Variants in CPE observed in about 807,000 individuals in gnomAD.
The protein encoded by CPE is carbocypeptidase E.
CPE carries 17 observed loss-of-function variants against 53.5 expected under a neutral mutation model. The observed-to-expected ratio is 0.32, with a 90% CI of 0.22 to 0.48. CPE has a LOEUF of 0.48. Ranked by LOEUF, CPE falls within the 20% of genes least tolerant of loss-of-function variation. The pLI, the probability that CPE is intolerant of heterozygous loss-of-function variation, is 0.99. For missense variants in CPE, 524 were observed against 614.7 expected, an observed-to-expected ratio of 0.85 and a Z score of 1.56; for synonymous variants, 226 against 228.8, an observed-to-expected ratio of 0.99 and a Z score of 0.11.
At position 165,472,519 on chromosome 4, in the gene CPE, T is replaced by C. The variant is rs536201618; in HGVS notation, c.672+4664T>C. Among the ~76,000 whole-genome samples, 4 of 152,358 alleles carry C rather than the reference T, an allele frequency of 2.6e-5. No homozygotes were observed. In the South Asian group the frequency reaches 8.3e-4, roughly 32 times the overall value. ...TTATATCAGAATTATAGGAGCTTTG[T>C]ATAATTTTGGAACACATACAAATAA... On this transcript the variant is annotated intron_variant, in intron 3 of 8. Coordinates refer to ENST00000402744, the MANE Select transcript of CPE (RefSeq NM_001873.4).
At chr4:165,429,675 T>C (rs35406069) in intron 1 of CPE, among the ~76,000 whole-genome samples, 44,496 of 151,238 alleles carry the variant, frequency 0.29, 6,625 homozygotes, top group Middle Eastern at 0.39. Flanking sequence ...GCACTCCAGC[T>C]TGGGTGACAG....
chr4:165,385,552 C>G (rs932468495), intron 1 of CPE, among the ~76,000 whole-genome samples: 3 of 148,632 alleles, frequency 2.0e-5, no homozygotes, highest in Non-Finnish European at 4.4e-5. Context: ...CAAGGTGTCT[C>G]CCTCCTCAGC....
At chr4:165,414,035 G>GA (rs1248150110) in intron 1 of CPE, among the ~76,000 whole-genome samples, 17 of 151,970 alleles carry the variant, frequency 1.1e-4, no homozygotes, top group African/African-American at 2.4e-4. Flanking sequence ...AGCACACTGG[G>GA]AAAAAAAGTC....
rs139281073 is a variant in CPE, at chr4:165,401,873, A to C, written c.307+22345A>C. ...AAGTGGTGTTGTAATAAAATTAGTT[A>C]TTTTAATATTAAGCCAGATGTGTTT... is the stretch of plus-strand genomic sequence containing the variant. On this transcript the variant is annotated intron_variant, in intron 1 of 8. Transcript: ENST00000402744. Among the ~76,000 whole-genome samples, 479 of 152,254 alleles carry C rather than the reference A, an allele frequency of 3.1e-3. 5 individuals carry two copies. Among genetic ancestry groups the C allele is most frequent in the Non-Finnish European group, 5.1e-3 (347 of 68,010 alleles).
Position 165,409,349 on chromosome 4 carries a change from G to T in CPE, c.307+29821G>T, listed in dbSNP as rs144036464. Among the ~76,000 whole-genome samples the T allele has an allele frequency of 2.0e-3, 298 of 152,250 alleles. 1 individual carries two copies. Among genetic ancestry groups the T allele is most frequent in the African/African-American group, 6.9e-3 (288 of 41,554 alleles). ...CTCCCCAATAGCTAGGATTACAGGT[G>T]TGTGCTACCATGCCTGGCTAATCTT... On this transcript the variant is annotated intron_variant, in intron 1 of 8. Coordinates refer to ENST00000402744, the MANE Select transcript of CPE (RefSeq NM_001873.4).
At chr4:165,380,849 T>C (rs1730496330) in intron 1 of CPE, among the ~76,000 whole-genome samples, 1 of 152,230 alleles carries the variant, frequency 6.6e-6, no homozygotes, top group Non-Finnish European at 1.5e-5. Flanking sequence ...CATTTAATAT[T>C]AACTACTCTT....
At chr4:165,414,804 T>C (rs765057824) in intron 1 of CPE, among the ~76,000 whole-genome samples, 2 of 152,046 alleles carry the variant, frequency 1.3e-5, no homozygotes, top group African/African-American at 2.4e-5. Flanking sequence ...AGAAACCAAA[T>C]TGAGCTTGAA....
chr4:165,444,151 C>T (rs755578556), intron 1 of CPE, among the ~76,000 whole-genome samples: 1 of 152,080 alleles, frequency 6.6e-6, no homozygotes, highest in Non-Finnish European at 1.5e-5. Context: ...CGATTTAGCC[C>T]GTAACACCTA....
chr4:165,479,999 A>G (rs1028058909), intron 3 of CPE, among the ~76,000 whole-genome samples: 1 of 152,018 alleles, frequency 6.6e-6, no homozygotes, highest in African/African-American at 2.4e-5. Context: ...CTCAAAAAAA[A>G]AAAAAAAAAG....
rs1732150567 is a variant in CPE at position 165,468,754 on chromosome 4, C to A, written c.672+899C>A. ...CTTGTGTTTCATGTCCAGCCTCTCCCAACTCTATTCTATCTTCTCAAATTC... is the reference window on the plus strand; with the variant it reads ...CTTGTGTTTCATGTCCAGCCTCTCCAAACTCTATTCTATCTTCTCAAATTC... On this transcript the variant is annotated intron_variant, in intron 3 of 8. Transcript: ENST00000402744. 2.0e-5 allele frequency among the ~76,000 whole-genome samples: 3 copies of A among 152,196 alleles called. 1 individual carries two copies. The South Asian group carries it at 6.2e-4, about 32-fold the overall frequency.
intron 1 of CPE, among the ~76,000 whole-genome samples, chr4:165,419,924 T>C (rs1256064256): frequency 6.6e-6 from 1 of 152,216 alleles, no homozygotes. Flanking sequence ...TGAACCAAAC[T>C]TCTTCACTGG....
chr4:165,477,388 A>G (rs570064425), intron 3 of CPE, among the ~76,000 whole-genome samples: 1 of 152,360 alleles, frequency 6.6e-6, no homozygotes, highest in African/African-American at 2.4e-5. Flanking sequence ...TTTTTGGAAC[A>G]TAAGCAAGAT....
intron 1 of CPE, among the ~76,000 whole-genome samples, chr4:165,453,619 A>G (rs1309874589): frequency 6.6e-6 from 1 of 152,050 alleles, no homozygotes; most frequent in East Asian, 1.9e-4. Flanking sequence ...TCCTAGGCTC[A>G]AGTGATCCTC....
intron 4 of CPE, among the ~76,000 whole-genome samples, chr4:165,484,178 T>C (rs532510195): frequency 2.6e-5 from 4 of 152,300 alleles, no homozygotes; most frequent in Non-Finnish European, 5.9e-5. Flanking sequence ...CCTGCAAAGC[T>C]TTCAACTCAT....
At chr4:165,496,555 G>A (rs1732708115) in intron 8 of CPE, among the ~76,000 whole-genome samples, 1 of 150,284 alleles carries the variant, frequency 6.7e-6, no homozygotes, top group Non-Finnish European at 1.5e-5. Context: ...GTGTAATCAC[G>A]ATCCAAAATA....
chr4:165,382,103 T>C (rs1032315691), intron 1 of CPE, among the ~76,000 whole-genome samples: 3 of 135,016 alleles, frequency 2.2e-5, no homozygotes, highest in African/African-American at 7.8e-5. Context: ...AAAAAGACAG[T>C]AAGGTCAGCA....
intron 1 of CPE, among the ~76,000 whole-genome samples, chr4:165,455,277 C>T (rs1286973742): frequency 2.6e-5 from 4 of 152,168 alleles, no homozygotes; most frequent in African/African-American, 7.2e-5. Context: ...ACTTCGTTTA[C>T]CTCTGTTTTG....
chr4:165,496,088 A>G (rs796100599), intron 8 of CPE, among the ~76,000 whole-genome samples: 7 of 152,308 alleles, frequency 4.6e-5, no homozygotes, highest in African/African-American at 1.7e-4. Context: ...TTTATGTGCA[A>G]GGCTCTCTGT....
chr4:165,467,016 A>C (rs1380821301), intron 2 of CPE, among the ~76,000 whole-genome samples: 6 of 152,164 alleles, frequency 3.9e-5, no homozygotes, highest in South Asian at 4.1e-4. Context: ...TAGTTTTTCA[A>C]ATGTTTTGTT....
Sources: allele counts gnomAD v4.1 joint callset (sites outside exome capture counted in the v4.1 genomes callset), GRCh38; gene constraint gnomAD v4.1.1; transcripts MANE v1.5; gene names NCBI Gene and HGNC (gene_info 2026-07-23, HGNC 2026-07-21).